The following ARHGEF9 variants were observed in gnomAD, a reference collection of about 807,000 sequenced individuals.
ARHGEF9 encodes Cdc42 guanine nucleotide exchange factor 9.
ARHGEF9 carries 2 observed loss-of-function variants against 41.3 expected under a neutral mutation model. The ratio of observed to expected loss-of-function variants is 0.05; its 90% CI spans 0.02 to 0.15. The LOEUF (loss-of-function observed/expected upper bound fraction) is 0.15. ARHGEF9 is among the 10% of genes least tolerant of loss of function. The pLI, the probability that ARHGEF9 is intolerant of heterozygous loss-of-function variation, is 1.00. For missense variants in ARHGEF9, 225 were observed against 424.7 expected (o/e 0.53, Z 4.13); for synonymous variants, 160 against 154.4 (o/e 1.04, Z -0.27).
rs2048833289 is a variant in ARHGEF9, at chrX:63,655,731, T to A, written c.1084A>T (p.Ile362Phe). The change falls in exon 8 of 10, where the codon ATC becomes TTC. Residue 362 changes from isoleucine to phenylalanine, a missense_variant. Ile to Phe is a conservative substitution (Grantham distance 21). This residue lies in a region of ARHGEF9 where 36 missense variants were observed against 113.6 expected (regional missense o/e 0.32). Transcript: ENST00000671741. ...HQMVLCKKDL[I>F]RRDILYYKGR... ...TTGTAGTACAGGATGTCTCTCCGGATTAGGTCCTAGATGGGAAGGAAGAGG... is the reference window on the plus strand; with the variant it reads ...TTGTAGTACAGGATGTCTCTCCGGAATAGGTCCTAGATGGGAAGGAAGAGG... 1.7e-6 allele frequency: 2 copies of A among 1,206,374 alleles called. No individual in the cohort carries two copies. The highest frequency in any genetic ancestry group is 2.2e-6 in the Non-Finnish European group (2 of 894,678).
intron 1 of ARHGEF9, among the ~76,000 whole-genome samples, chrX:63,765,016 G>A: frequency 8.9e-6 from 1 of 111,747 alleles, no homozygotes; most frequent in Non-Finnish European, 1.9e-5. Flanking sequence ...GTAGAAAAAG[G>A]TGAGGTACTA....
intron 6 of ARHGEF9, chrX:63,670,202 T>C (rs2049859723): frequency 8.9e-6 from 1 of 111,733 alleles, no homozygotes; most frequent in Admixed American, 9.5e-5. Context: ...GCCATACTTT[T>C]TAACTAGTTT....
intron 1 of ARHGEF9, among the ~76,000 whole-genome samples, chrX:63,773,343 A>G (rs1424916796): frequency 3.6e-5 from 4 of 111,803 alleles, no homozygotes; most frequent in African/African-American, 1.3e-4. Flanking sequence ...TAAAATTCCT[A>G]TTGGATTTCT....
intron 4 of ARHGEF9, among the ~76,000 whole-genome samples, chrX:63,695,112 A>T (rs1195998221): frequency 1.8e-5 from 2 of 111,553 alleles, no homozygotes; most frequent in African/African-American, 6.5e-5. Flanking sequence ...CCCAGGGGAC[A>T]TTTGTCAATG....
At chrX:63,675,633 T>C (rs1268002747) in intron 5 of ARHGEF9, among the ~76,000 whole-genome samples, 2 of 112,375 alleles carry the variant, frequency 1.8e-5, no homozygotes, top group African/African-American at 6.5e-5. Flanking sequence ...GCAGTACTAT[T>C]ATTACAAATC....
intron 1 of ARHGEF9, among the ~76,000 whole-genome samples, chrX:63,760,322 C>A (rs1184874531): frequency 9.0e-6 from 1 of 111,112 alleles, no homozygotes; most frequent in Admixed American, 9.6e-5. Flanking sequence ...GCTACTGATA[C>A]GACTAGATGC....
chrX:63,654,220 T>C (rs1556333189), intron 8 of ARHGEF9, among the ~76,000 whole-genome samples: 1 of 110,886 alleles, frequency 9.0e-6, no homozygotes, highest in East Asian at 2.8e-4. Flanking sequence ...AAGTAATTTC[T>C]AGAAGCTTTT....
At chrX:63,672,376 C>A (rs782768315) in intron 6 of ARHGEF9, among the ~76,000 whole-genome samples, 1 of 109,972 alleles carries the variant, frequency 9.1e-6, no homozygotes, top group African/African-American at 3.3e-5. Flanking sequence ...CAAGCAGGAG[C>A]GTACAAGGGA....
chrX:63,715,831 A>T (rs2053254252), intron 2 of ARHGEF9, among the ~76,000 whole-genome samples: 5 of 111,996 alleles, frequency 4.5e-5, no homozygotes, highest in Admixed American at 3.8e-4. Context: ...AGGAGAGAGG[A>T]GTGAGGAATG....
At chrX:63,724,394 A>T in intron 2 of ARHGEF9, 138 bp downstream of exon 2, 1 of 668,646 alleles carries the variant, frequency 1.5e-6, no homozygotes, top group South Asian at 2.7e-5. Flanking sequence ...TCTCTGTATG[A>T]GACAATTTTA....
At chrX:63,650,751 C>T (rs1471336036) in intron 8 of ARHGEF9, among the ~76,000 whole-genome samples, 1 of 110,580 alleles carries the variant, frequency 9.0e-6, no homozygotes, top group Non-Finnish European at 1.9e-5. Context: ...CAAAATATCA[C>T]ATGTACCTTA....
intron 2 of ARHGEF9, among the ~76,000 whole-genome samples, chrX:63,719,188 C>A (rs1235064723): frequency 4.5e-5 from 5 of 111,727 alleles, no homozygotes; most frequent in Admixed American, 3.8e-4. Context: ...AACTCACAAC[C>A]TATAATGTGT....
chrX:63,691,588 A>G (rs2051352701), intron 4 of ARHGEF9, among the ~76,000 whole-genome samples: 1 of 111,547 alleles, frequency 9.0e-6, no homozygotes, highest in Non-Finnish European at 1.9e-5. Context: ...ATTAATTAAT[A>G]TTAAATTAAT....
At position 63,761,002 on chromosome X, in the gene ARHGEF9, G is replaced by T. The variant is rs181560058; in HGVS notation, c.30+24114C>A. Among the ~76,000 whole-genome samples, 128 of 111,066 alleles carry T rather than the reference G, an allele frequency of 1.2e-3. 1 individual carries two copies. Among genetic ancestry groups the T allele is most frequent in the Non-Finnish European group, 1.2e-3 (61 of 52,997 alleles). ...CTATTGAACTGCCTTTCAGACCTGA[G>T]AACTAGTGTGAATTTGAGGGCATTA... On this transcript the variant is annotated intron_variant, in intron 1 of 9. Coordinates refer to ENST00000671741, the MANE Select transcript of ARHGEF9 (RefSeq NM_001353921.2).
intron 1 of ARHGEF9, among the ~76,000 whole-genome samples, chrX:63,733,661 T>C (rs1241046296): frequency 8.9e-6 from 1 of 112,305 alleles, no homozygotes; most frequent in Non-Finnish European, 1.9e-5. Context: ...AATTTGGGTG[T>C]GTGATTTGTG....
intron 8 of ARHGEF9, among the ~76,000 whole-genome samples, chrX:63,645,328 T>G (rs1391595518): frequency 4.5e-5 from 5 of 110,424 alleles, no homozygotes. Flanking sequence ...GCTGCACCCA[T>G]TAACTCGTCA....
At chrX:63,704,604 A>G (rs2052406058) in intron 3 of ARHGEF9, among the ~76,000 whole-genome samples, 1 of 112,550 alleles carries the variant, frequency 8.9e-6, no homozygotes, top group Non-Finnish European at 1.9e-5. Context: ...AAATTTAAAA[A>G]GGAGGCAAAA....
intron 1 of ARHGEF9, among the ~76,000 whole-genome samples, chrX:63,779,350 G>A (rs1556460738): frequency 8.9e-6 from 1 of 112,298 alleles, no homozygotes; most frequent in African/African-American, 3.2e-5. Flanking sequence ...GGGTGGGGAG[G>A]CCTCACGATC....
intron 1 of ARHGEF9, among the ~76,000 whole-genome samples, chrX:63,733,999 A>G (rs1276407803): frequency 8.0e-5 from 9 of 112,685 alleles, no homozygotes; most frequent in African/African-American, 2.9e-4. Flanking sequence ...AAGGAAGTTA[A>G]AAGGTGATCT....
Sources: allele counts gnomAD v4.1 joint callset (sites outside exome capture counted in the v4.1 genomes callset), GRCh38; gene constraint gnomAD v4.1.1; regional missense constraint gnomAD v4.1.1; transcripts MANE v1.5; gene names NCBI Gene and HGNC (gene_info 2026-07-23, HGNC 2026-07-21).